MBTD1: variants seen among roughly 807,000 people sequenced by gnomAD.
The protein encoded by MBTD1 is mbt domain containing 1.
Under a neutral mutation model 87.8 loss-of-function variants are expected in MBTD1, and 24 were observed. The ratio of observed to expected loss-of-function variants is 0.27; its 90% confidence interval spans 0.20 to 0.38. The LOEUF is 0.38. Among genes scored for constraint, MBTD1 ranks in the 10% least tolerant of loss-of-function variants. The pLI is 1.00. For missense variants in MBTD1, 436 were observed against 760.2 expected, an observed-to-expected ratio of 0.57 and a Z score of 5.02; for synonymous variants, 237 against 248.6, an observed-to-expected ratio of 0.95 and a Z score of 0.44.
chr17:51,206,191 G>A (rs887319704), intron 7 of MBTD1, among the ~76,000 whole-genome samples: 4 of 152,162 alleles, frequency 2.6e-5, no homozygotes, highest in Admixed American at 2.0e-4. Flanking sequence ...GAGGCAGTGG[G>A]AATAAACAGA....
chr17:51,193,001 C>G lies in MBTD1; in HGVS notation c.1471G>C (p.Gly491Arg). The G allele has an allele frequency of 1.2e-6, 2 of 1,612,298 alleles. No homozygotes were observed. Among genetic ancestry groups the G allele is most frequent in the Non-Finnish European group, 1.7e-6 (2 of 1,178,616 alleles). ...KLFNKDVPNH[G>R]FRVGMKLEAV... ...TCTAATTTCATTCCTACACGAAATC[C>G]GTGATTTGGAACATCCTGACACAGA... The change falls in exon 15 of 17, where the codon GGA (glycine) becomes CGA (arginine). Residue 491 changes from glycine (G) to arginine (R), a missense_variant. By Grantham distance (125) the Gly-to-Arg change is moderately radical (BLOSUM62 -2). This residue lies in a region of MBTD1 where 80 missense variants were observed against 182.2 expected (regional missense o/e 0.44). Transcript: ENST00000586178.
chr17:51,210,666 G>A (rs1242279988), intron 6 of MBTD1, among the ~76,000 whole-genome samples: 3 of 152,096 alleles, frequency 2.0e-5, no homozygotes, highest in Non-Finnish European at 4.4e-5. Flanking sequence ...TGAGGCAGGA[G>A]AATCACTTGA....
chr17:51,246,303 A>G (rs927887249), intron 2 of MBTD1, among the ~76,000 whole-genome samples: 1 of 152,184 alleles, frequency 6.6e-6, no homozygotes, highest in African/African-American at 2.4e-5. Context: ...TGTACTCTGA[A>G]CCAGCAGAAA....
intron 12 of MBTD1, among the ~76,000 whole-genome samples, chr17:51,195,994 A>T (rs181304763): frequency 6.6e-6 from 1 of 151,362 alleles, no homozygotes; most frequent in Non-Finnish European, 1.5e-5. Context: ...TGCAGCCTTG[A>T]CCTCCCCGGC....
At chr17:51,209,141 T>G (rs2052025363) in intron 6 of MBTD1, among the ~76,000 whole-genome samples, 1 of 152,254 alleles carries the variant, frequency 6.6e-6, no homozygotes, top group Non-Finnish European at 1.5e-5. Context: ...TGTCTGCCCT[T>G]TTGTTTAAAA....
intron 12 of MBTD1, among the ~76,000 whole-genome samples, chr17:51,199,857 C>T (rs1302901552): frequency 6.6e-6 from 1 of 151,514 alleles, no homozygotes; most frequent in Non-Finnish European, 1.5e-5. Context: ...CAGAGTCTCG[C>T]TCTGTCACCC....
intron 16 of MBTD1, chr17:51,191,980 C>A (rs182899228): frequency 3.8e-6 from 2 of 531,622 alleles, no homozygotes; most frequent in Middle Eastern, 5.2e-4. Flanking sequence ...TTCTTTACCA[C>A]GTATACTTTA....
intron 2 of MBTD1, among the ~76,000 whole-genome samples, chr17:51,226,192 A>C (rs1483811416): frequency 2.7e-5 from 4 of 149,776 alleles, no homozygotes; most frequent in African/African-American, 4.9e-5. Flanking sequence ...ACACAAAAAA[A>C]CAAAACAAAA....
chr17:51,191,331 G>C (rs1005708704), intron 16 of MBTD1, among the ~76,000 whole-genome samples: 1 of 147,814 alleles, frequency 6.8e-6, no homozygotes, highest in African/African-American at 2.5e-5. Flanking sequence ...GCACGATCTC[G>C]GCTCACCTCA....
At chr17:51,213,007 C>T (rs569239654) in intron 6 of MBTD1, among the ~76,000 whole-genome samples, 10 of 151,988 alleles carry the variant, frequency 6.6e-5, no homozygotes, top group Non-Finnish European at 1.5e-4. Flanking sequence ...GGATTACAGG[C>T]GTGAGTCACC....
chr17:51,189,994 T>C (rs1318720257), intron 16 of MBTD1, among the ~76,000 whole-genome samples: 1 of 152,232 alleles, frequency 6.6e-6, no homozygotes, highest in Non-Finnish European at 1.5e-5. Context: ...GAGACAGGCC[T>C]GTAGGTTGCT....
chr17:51,232,293 C>T lies in MBTD1; in HGVS notation c.-48-7084G>A, dbSNP rs1185981157. On this transcript the variant is annotated intron_variant, in intron 2 of 16. Transcript: ENST00000586178. ...ATTAGATCAGGAAATAAGTCACCTA[C>T]CATTCAGGCCTTTCAGCATTCCCAC... is the stretch of plus-strand genomic sequence containing the variant. Among the ~76,000 whole-genome samples, 4 of 152,076 alleles carry T rather than the reference C, an allele frequency of 2.6e-5. No individual in the cohort carries two copies. The East Asian group carries it at 7.7e-4, about 29-fold the overall frequency.
chr17:51,227,235 C>CT (rs1568206991), intron 2 of MBTD1, among the ~76,000 whole-genome samples: 2 of 85,614 alleles, frequency 2.3e-5, no homozygotes, highest in African/African-American at 9.7e-5. Flanking sequence ...GAGCGAGACT[C>CT]TGTCTCCAAA....
upstream of MBTD1, chr17:51,260,668 C>T: frequency 6.2e-7 from 1 of 1,611,868 alleles, no homozygotes; most frequent in Non-Finnish European, 8.5e-7. Context: ...TGAGGCCGGA[C>T]TGGAAAGCCG....
chr17:51,235,929 G>C (rs917138736), intron 2 of MBTD1, among the ~76,000 whole-genome samples: 1 of 152,122 alleles, frequency 6.6e-6, no homozygotes, highest in African/African-American at 2.4e-5. Context: ...GAAGACAGTA[G>C]GGTTTTAGCA....
chr17:51,177,718 C>T lies in MBTD1; in HGVS notation c.*2858G>A, dbSNP rs1273418185. 2.6e-5 allele frequency: 4 copies of T among 152,058 alleles called. No homozygotes were observed. Among genetic ancestry groups the T allele is most frequent in the African/African-American group, 4.8e-5 (2 of 41,402 alleles). 9.4% of individuals were successfully genotyped at this position (152,058 alleles called of 1,614,324 possible). Reference sequence around the variant, plus strand: ...AATACATACAGAAATGATGTAAAAACCTTATGCAGTTTACTTTGACCTCTG... The same window carrying T: ...AATACATACAGAAATGATGTAAAAATCTTATGCAGTTTACTTTGACCTCTG... On this transcript the variant is annotated 3_prime_UTR_variant, in exon 17 of 17. Transcript: ENST00000586178.
At position 51,225,152 on chromosome 17, in the gene MBTD1, C is replaced by T. The variant is rs2143706880; in HGVS notation, c.10G>A (p.Gly4Ser). 6.5e-7 allele frequency: 1 copy of T among 1,544,344 alleles called. No individual in the cohort carries two copies. The highest frequency in any genetic ancestry group is 1.4e-5 in the African/African-American group (1 of 72,700). Residue 4 changes from glycine (G) to serine (S), a missense_variant, in exon 3 of 17, where the codon GGT becomes AGT. Coordinates refer to ENST00000586178, the MANE Select transcript of MBTD1 (RefSeq NM_017643.3). The part of the protein sequence containing the change: MFD[G>S]YDSCSEDTSS... ...GTGTCCTCACTGCAGCTATCATAAC[C>T]GTCAAACATCCCGAAAGAATCTCTT...
chr17:51,202,878 T>C lies in MBTD1; in HGVS notation c.886A>G (p.Lys296Glu). The C allele has an allele frequency of 6.2e-7, 1 of 1,614,196 alleles. No individual in the cohort carries two copies. The highest frequency in any genetic ancestry group is 8.5e-7 in the Non-Finnish European group (1 of 1,180,030). The change falls in exon 10 of 17, where the codon AAG (lysine) becomes GAG (glutamate). Residue 296 changes from lysine (K) to glutamate (E), a missense_variant. This residue lies in a region of MBTD1 where 268 missense variants were observed against 401.8 expected (regional missense o/e 0.67). Transcript: ENST00000586178. ...KPCMRVEVVD[K>E]RHLCRTRVAV... The stretch of plus-strand genomic sequence containing the variant: ...ACTCGTGTTCGACACAAATGCCTCT[T>C]GTCAACCACTTCTACTCTCATGCAA...
intron 12 of MBTD1, among the ~76,000 whole-genome samples, chr17:51,200,937 C>T (rs1253281496): frequency 6.6e-6 from 1 of 151,670 alleles, no homozygotes; most frequent in African/African-American, 2.4e-5. Context: ...TGCCTGAGCC[C>T]AGGAATCTGA....
Sources: gnomAD v4.1 joint callset for allele counts (sites outside exome capture counted in the v4.1 genomes callset) on GRCh38, gnomAD v4.1.1 for gene constraint, gnomAD v4.1.1 regional missense constraint, MANE v1.5 for transcripts, NCBI Gene and HGNC (gene_info 2026-07-23, HGNC 2026-07-21) for gene names.